Variants in ATP11B observed in about 807,000 individuals in gnomAD.
The protein encoded by ATP11B is ATPase phospholipid transporting 11B (putative).
A neutral mutation model predicts 157.8 loss-of-function variants in ATP11B; 81 were observed. That is an observed-to-expected ratio of 0.51 (90% CI 0.43 to 0.62). ATP11B has a LOEUF of 0.62. ATP11B is among the 20% of genes least tolerant of loss of function. ATP11B has a pLI of 0.00. For synonymous variants in ATP11B, 451 were observed against 469.4 expected, an observed-to-expected ratio of 0.96 and a Z score of 0.51; for missense variants, 1,165 against 1,402.2, an observed-to-expected ratio of 0.83 and a Z score of 2.70.
chr3:182,891,737 T>A (rs992438264), intron 25 of ATP11B, among the ~76,000 whole-genome samples: 1 of 152,226 alleles, frequency 6.6e-6, no homozygotes, highest in African/African-American at 2.4e-5. Context: ...CTATTGAAAT[T>A]AATCTGCCAC....
intron 10 of ATP11B, among the ~76,000 whole-genome samples, chr3:182,855,027 T>C (rs1720277386): frequency 2.6e-5 from 4 of 152,220 alleles, no homozygotes; most frequent in Admixed American, 2.6e-4. Context: ...GCAATTTCTA[T>C]AAAAATCTCA....
At chr3:182,811,243 T>G (rs1315272102) in intron 1 of ATP11B, among the ~76,000 whole-genome samples, 1 of 152,210 alleles carries the variant, frequency 6.6e-6, no homozygotes, top group African/African-American at 2.4e-5. Context: ...AGTATAATCT[T>G]TCTTCAATTT....
intron 15 of ATP11B, 123 bp downstream of exon 15, chr3:182,867,567 CA>C (rs1721341014): frequency 2.7e-6 from 1 of 371,882 alleles, no homozygotes; most frequent in Admixed American, 4.7e-5. Context: ...CTACAGCCCA[CA>C]AGTCACATTA....
At chr3:182,842,853 A>G (rs1454476110) in intron 8 of ATP11B, among the ~76,000 whole-genome samples, 2 of 152,250 alleles carry the variant, frequency 1.3e-5, no homozygotes, top group African/African-American at 4.8e-5. Flanking sequence ...TATACAATTC[A>G]GAAGATATTG....
intron 1 of ATP11B, among the ~76,000 whole-genome samples, chr3:182,807,991 G>A (rs770702025): frequency 6.6e-6 from 1 of 152,104 alleles, no homozygotes; most frequent in Admixed American, 6.5e-5. Flanking sequence ...TAGCAAACAC[G>A]TTTTTCTTTA....
At chr3:182,806,805 G>C (rs970673393) in intron 1 of ATP11B, among the ~76,000 whole-genome samples, 1 of 152,058 alleles carries the variant, frequency 6.6e-6, no homozygotes, top group Non-Finnish European at 1.5e-5. Context: ...AAGGTACCCA[G>C]CTTTTTCCAG....
intron 1 of ATP11B, among the ~76,000 whole-genome samples, chr3:182,803,729 G>A (rs1716152467): frequency 2.0e-5 from 3 of 152,184 alleles, no homozygotes; most frequent in Admixed American, 1.3e-4. Flanking sequence ...TGTCAATGCT[G>A]TTTATTGAAT....
At chr3:182,851,094 G>A (rs551044779) in intron 10 of ATP11B, among the ~76,000 whole-genome samples, 7 of 152,172 alleles carry the variant, frequency 4.6e-5, no homozygotes, top group Non-Finnish European at 8.8e-5. Context: ...GGAGTTCAAG[G>A]CCAATCTAGT....
intron 21 of ATP11B, 67 bp downstream of exon 21, chr3:182,881,048 T>C (rs1722386370): frequency 8.1e-7 from 1 of 1,241,202 alleles, no homozygotes; most frequent in Non-Finnish European, 1.1e-6. Flanking sequence ...TGGTGGTTTT[T>C]AATTTTCTTT....
At chr3:182,823,791 G>C (rs180716554) in intron 2 of ATP11B, among the ~76,000 whole-genome samples, 12 of 151,722 alleles carry the variant, frequency 7.9e-5, no homozygotes, top group African/African-American at 2.9e-4. Context: ...CAGTTCTTAA[G>C]AAATTATGCA....
intron 8 of ATP11B, among the ~76,000 whole-genome samples, chr3:182,844,998 T>TA (rs1426312242): frequency 4.2e-5 from 5 of 120,290 alleles, no homozygotes; most frequent in Non-Finnish European, 5.3e-5. Flanking sequence ...TTTTTTATTT[T>TA]TTTTTTTATT....
At chr3:182,912,764 C>T (rs1418634177) in intron 28 of ATP11B, among the ~76,000 whole-genome samples, 1 of 152,184 alleles carries the variant, frequency 6.6e-6, no homozygotes, top group Non-Finnish European at 1.5e-5. Flanking sequence ...CCACAAACAT[C>T]CTCTGTTGCC....
intron 23 of ATP11B, among the ~76,000 whole-genome samples, chr3:182,886,824 A>G (rs1722823877): frequency 6.6e-6 from 1 of 152,142 alleles, no homozygotes; most frequent in South Asian, 2.1e-4. Context: ...AGTTTTTCCT[A>G]TTCTTAATTG....
intron 2 of ATP11B, among the ~76,000 whole-genome samples, chr3:182,825,323 T>G (rs912460185): frequency 6.6e-6 from 1 of 152,234 alleles, no homozygotes; most frequent in Non-Finnish European, 1.5e-5. Context: ...CTACTTAATA[T>G]TAAACATCTT....
chr3:182,894,649 A>C (rs1305076909), intron 25 of ATP11B, among the ~76,000 whole-genome samples: 1 of 152,246 alleles, frequency 6.6e-6, no homozygotes, highest in Non-Finnish European at 1.5e-5. Context: ...AGCTATGTGA[A>C]TGCTTTTGTA....
rs1725300463 is a variant in ATP11B at position 182,918,919 on chromosome 3, A to T, written c.*815A>T. On this transcript the variant is annotated 3_prime_UTR_variant, in exon 30 of 30. Coordinates refer to ENST00000323116, the MANE Select transcript of ATP11B (RefSeq NM_014616.3). ...AGCATATTATTAATTTAATGTCTTTATCATTGGATCTTTTGCATGCTTTAA... is the reference window on the plus strand; with the variant it reads ...AGCATATTATTAATTTAATGTCTTTTTCATTGGATCTTTTGCATGCTTTAA... 1 of 152,146 alleles carries T rather than the reference A, an allele frequency of 6.6e-6. No individual in the cohort carries two copies. Among genetic ancestry groups the T allele is most frequent in the Non-Finnish European group, 1.5e-5 (1 of 68,012 alleles). 9.4% of individuals were successfully genotyped at this position (152,146 alleles called of 1,614,324 possible). A position where few individuals can be genotyped will look rare whatever the true frequency, so the allele number is the denominator to read the frequency against.
intron 13 of ATP11B, 27 bp downstream of exon 13, chr3:182,865,725 AGGGT>A: frequency 6.4e-7 from 1 of 1,558,762 alleles, no homozygotes; most frequent in East Asian, 2.3e-5. Flanking sequence ...TTAATAAATA[AGGGT>A]TTCATATGAA....
chr3:182,860,884 T>A lies in ATP11B; in HGVS notation c.1200+1525T>A, dbSNP rs1720779940. On this transcript the variant is annotated intron_variant, in intron 12 of 29. Coordinates refer to ENST00000323116, the MANE Select transcript of ATP11B (RefSeq NM_014616.3). Reference sequence around the variant, plus strand: ...CCCCGAGGATATTAATGACAGTCAATTGAAGTCTTCTTCTGCTCCCTCTAT... The same window carrying A: ...CCCCGAGGATATTAATGACAGTCAAATGAAGTCTTCTTCTGCTCCCTCTAT... 2.0e-5 allele frequency among the ~76,000 whole-genome samples: 3 copies of A among 152,130 alleles called. No individual in the cohort carries two copies. The South Asian group carries it at 6.2e-4, about 32-fold the overall frequency.
At chr3:182,819,523 T>TAG (rs1289767133) in intron 1 of ATP11B, among the ~76,000 whole-genome samples, 2 of 152,182 alleles carry the variant, frequency 1.3e-5, no homozygotes, top group African/African-American at 4.8e-5. Flanking sequence ...CCAGAGGTGA[T>TAG]TACTAATATG....
Sources: allele counts gnomAD v4.1 joint callset (sites outside exome capture counted in the v4.1 genomes callset), GRCh38; gene constraint gnomAD v4.1.1; transcripts MANE v1.5; gene names NCBI Gene and HGNC (gene_info 2026-07-23, HGNC 2026-07-21).